The following ABTB2 variants were observed in gnomAD, a reference collection of about 807,000 sequenced individuals.
ABTB2 encodes ankyrin repeat and BTB domain containing 2, also known as ankyrin repeat and BTB/POZ domain-containing protein 2.
Under a neutral mutation model 104.1 loss-of-function variants are expected in ABTB2, and 56 were observed. The ratio of observed to expected loss-of-function variants is 0.54; its 90% CI spans 0.43 to 0.67. The LOEUF (loss-of-function observed/expected upper bound fraction) is 0.67, where lower values mean the gene tolerates loss of function less well. Among genes scored for constraint, ABTB2 ranks in the 30% least tolerant of loss-of-function variants. ABTB2 has a pLI of 0.00. For synonymous variants in ABTB2, 606 were observed against 608.2 expected, an observed-to-expected ratio of 1.00 and a Z score of 0.05; for missense variants, 1,279 against 1,407.7, an observed-to-expected ratio of 0.91 and a Z score of 1.46.
chr11:34,278,929 T>C (rs1347000856), intron 1 of ABTB2, among the ~76,000 whole-genome samples: 5 of 152,186 alleles, frequency 3.3e-5, no homozygotes, highest in Non-Finnish European at 7.4e-5. Flanking sequence ...CCAGCCACTG[T>C]GGAAGTGCAA....
At chr11:34,331,903 G>A (rs1176434362) in intron 1 of ABTB2, among the ~76,000 whole-genome samples, 4 of 152,188 alleles carry the variant, frequency 2.6e-5, no homozygotes, top group Non-Finnish European at 5.9e-5. Flanking sequence ...AGTTATCCTT[G>A]GAAATGTATT....
At chr11:34,308,794 C>A (rs548234751) in intron 1 of ABTB2, among the ~76,000 whole-genome samples, 12 of 142,790 alleles carry the variant, frequency 8.4e-5, no homozygotes, top group Non-Finnish European at 1.3e-4. Context: ...TTGCTTGAAC[C>A]CAAGAGGTGG....
chr11:34,335,106 C>A, intron 1 of ABTB2: 2 of 1,117,680 alleles, frequency 1.8e-6, no homozygotes, highest in Non-Finnish European at 2.7e-6. Context: ...AATGAATGGA[C>A]ATTTCCGCTA....
chr11:34,216,351 A>C (rs1853548641), intron 1 of ABTB2, among the ~76,000 whole-genome samples: 1 of 152,188 alleles, frequency 6.6e-6, no homozygotes, highest in South Asian at 2.1e-4. Flanking sequence ...ACCCCTGGCA[A>C]CCACTGATCT....
At chr11:34,219,765 C>G (rs546718695) in intron 1 of ABTB2, among the ~76,000 whole-genome samples, 2 of 152,108 alleles carry the variant, frequency 1.3e-5, no homozygotes, top group Non-Finnish European at 2.9e-5. Context: ...GAAGCTATAC[C>G]ATCTAGGTTT....
chr11:34,211,922 A>AAAG (rs1565142418), intron 1 of ABTB2, among the ~76,000 whole-genome samples: 4 of 151,090 alleles, frequency 2.6e-5, no homozygotes, highest in Non-Finnish European at 4.4e-5. Context: ...AAAAAAAAAA[A>AAAG]AAGGATAATC....
intron 11 of ABTB2, 43 bp downstream of exon 11, chr11:34,160,860 G>A: frequency 1.3e-6 from 2 of 1,561,608 alleles, no homozygotes; most frequent in South Asian, 1.2e-5. Flanking sequence ...CGTGGTCTGA[G>A]TCTGGGCCGT....
chr11:34,354,751 T>C (rs1173894516), intron 1 of ABTB2, among the ~76,000 whole-genome samples: 1 of 152,224 alleles, frequency 6.6e-6, no homozygotes, highest in Non-Finnish European at 1.5e-5. Context: ...TGAATATATG[T>C]TTTTGTTTTG....
intron 1 of ABTB2, among the ~76,000 whole-genome samples, chr11:34,213,226 CCAGCA>C (rs1420085946): frequency 6.6e-6 from 1 of 152,198 alleles, no homozygotes. Flanking sequence ...GCCTGTAATC[CCAGCA>C]CTTTGGGAGG....
intron 1 of ABTB2, among the ~76,000 whole-genome samples, chr11:34,324,460 A>G (rs187565370): frequency 1.3e-5 from 2 of 152,274 alleles, no homozygotes; most frequent in East Asian, 3.9e-4. Context: ...CCATGAGGTG[A>G]TATCTACTTG....
chr11:34,328,617 A>G (rs1855096294), intron 1 of ABTB2, among the ~76,000 whole-genome samples: 1 of 152,228 alleles, frequency 6.6e-6, no homozygotes, highest in Non-Finnish European at 1.5e-5. Flanking sequence ...TCCAGAGCAG[A>G]AACCACCTTT....
chr11:34,186,979 A>G (rs1853109138), intron 3 of ABTB2, among the ~76,000 whole-genome samples: 2 of 152,176 alleles, frequency 1.3e-5, no homozygotes, highest in Non-Finnish European at 2.9e-5. Flanking sequence ...AGCAATGTGA[A>G]TTCATTGCAT....
At position 34,356,431 on chromosome 11, in the gene ABTB2, A is replaced by G. The variant is rs368272143; in HGVS notation, c.883+270T>C. On this transcript the variant is annotated intron_variant, in intron 1 of 16. Coordinates refer to ENST00000435224, the MANE Select transcript of ABTB2 (RefSeq NM_145804.3). The surrounding 1 kb of genome is among the most constrained non-coding windows in gnomAD (Gnocchi z 4.6). Reference sequence around the variant, plus strand: ...AGGAATGGCTTGGTCAAGAGATTCAATCTCACCCAATCAATGAACAGCCCG... The same window carrying G: ...AGGAATGGCTTGGTCAAGAGATTCAGTCTCACCCAATCAATGAACAGCCCG... Among the ~76,000 whole-genome samples, 1 of 152,204 alleles carries G rather than the reference A, an allele frequency of 6.6e-6. No individual in the cohort carries two copies. The highest frequency in any genetic ancestry group is 2.4e-5 in the African/African-American group (1 of 41,448).
chr11:34,243,128 T>A (rs1259425107), intron 1 of ABTB2, among the ~76,000 whole-genome samples: 1 of 152,152 alleles, frequency 6.6e-6, no homozygotes, highest in African/African-American at 2.4e-5. Context: ...ACACCCAAGA[T>A]AACCATGGCT....
At chr11:34,272,643 C>T (rs1449368012) in intron 1 of ABTB2, among the ~76,000 whole-genome samples, 1 of 138,932 alleles carries the variant, frequency 7.2e-6, no homozygotes, top group African/African-American at 2.8e-5. Context: ...GGAGGCGGAG[C>T]TTGCAGTGAG....
intron 1 of ABTB2, among the ~76,000 whole-genome samples, chr11:34,334,637 C>T (rs996570505): frequency 6.6e-6 from 1 of 152,140 alleles, no homozygotes; most frequent in African/African-American, 2.4e-5. Context: ...GACCCTCCCT[C>T]CCCTAATCCT....
chr11:34,277,648 G>C (rs1428921621), intron 1 of ABTB2, among the ~76,000 whole-genome samples: 2 of 40 alleles, frequency 0.05, no homozygotes, highest in Admixed American at 0.17. Flanking sequence ...AGGTGTGGTG[G>C]TCACACCTGT....
At position 34,237,859 on chromosome 11, in the gene ABTB2, T is replaced by C. The variant is rs141038633; in HGVS notation, c.884-33169A>G. On this transcript the variant is annotated intron_variant, in intron 1 of 16. Transcript: ENST00000435224. Reference sequence around the variant, plus strand: ...GTTGCAGTGGGCCGAGATCGCACCATTGCACTCCAGCCTGGGCAACAAGAG... The same window carrying C: ...GTTGCAGTGGGCCGAGATCGCACCACTGCACTCCAGCCTGGGCAACAAGAG... 7.0e-3 allele frequency among the ~76,000 whole-genome samples: 1,059 copies of C among 152,106 alleles called. 44 individuals carry two copies. Among genetic ancestry groups the C allele is most frequent in the Admixed American group, 0.065 (994 of 15,262 alleles).
chr11:34,195,293 C>T (rs921318738), intron 3 of ABTB2, among the ~76,000 whole-genome samples: 1 of 152,228 alleles, frequency 6.6e-6, no homozygotes, highest in Non-Finnish European at 1.5e-5. Flanking sequence ...ATCTTCCCTG[C>T]TCTTTTTCCT....
Sources: allele counts gnomAD v4.1 joint callset (sites outside exome capture counted in the v4.1 genomes callset), GRCh38; gene constraint gnomAD v4.1.1; non-coding constraint Gnocchi (gnomAD v3.1); transcripts MANE v1.5; gene names NCBI Gene and HGNC (gene_info 2026-07-23, HGNC 2026-07-21).